Variants in TLK1 observed in about 807,000 individuals in gnomAD.
TLK1 encodes serine/threonine-protein kinase tousled-like 1.
In TLK1, 24 loss-of-function variants were observed where a neutral mutation model predicts 105.3. The ratio of observed to expected loss-of-function variants is 0.23; its 90% CI spans 0.17 to 0.32. The LOEUF is 0.32. Among genes scored for constraint, TLK1 ranks in the 10% least tolerant of loss-of-function variants. The probability of loss-of-function intolerance (pLI) is 1.00; values close to 1 mark genes in which losing one functional copy is unlikely to be tolerated. For missense variants in TLK1, 558 were observed against 910.5 expected (o/e 0.61, Z 4.98); for synonymous variants, 321 against 310.4 (o/e 1.03, Z -0.36).
intron 1 of TLK1, among the ~76,000 whole-genome samples, chr2:171,204,401 A>C (rs756527804): frequency 6.6e-6 from 1 of 152,180 alleles, no homozygotes; most frequent in Non-Finnish European, 1.5e-5. Flanking sequence ...GCCATGTCCT[A>C]TGATAGGGAG....
At chr2:171,054,516 G>A (rs1033780086) in intron 7 of TLK1, 1 of 152,260 alleles carries the variant, frequency 6.6e-6, no homozygotes, top group Non-Finnish European at 1.5e-5. Context: ...ATGCACAACA[G>A]TTTGGATATG....
chr2:171,060,542 A>C (rs936127659), intron 4 of TLK1, among the ~76,000 whole-genome samples: 11 of 152,332 alleles, frequency 7.2e-5, no homozygotes, highest in African/African-American at 2.6e-4. Context: ...TTAAGAGCCC[A>C]ATTTATTATA....
intron 18 of TLK1, among the ~76,000 whole-genome samples, chr2:171,003,070 C>T (rs1045131729): frequency 1.5e-4 from 23 of 151,774 alleles, no homozygotes; most frequent in Middle Eastern, 3.4e-3. Flanking sequence ...GTCAGGAGAT[C>T]AAGACCATCC....
At position 170,996,771 on chromosome 2, in the gene TLK1, A is replaced by C. The variant is rs1239105840; in HGVS notation, c.2017-11T>G. 1 of 1,585,358 alleles carries C rather than the reference A, an allele frequency of 6.3e-7. No individual in the cohort carries two copies. Among genetic ancestry groups the C allele is most frequent in the Non-Finnish European group, 8.6e-7 (1 of 1,166,382 alleles). ...ATTGTGACCAAATGGCTTAAAAAAA[A>C]AATTAAATGTTGAGATACTTTTCTC... On this transcript the variant is annotated splice_polypyrimidine_tract_variant and intron_variant, in intron 19 of 20. Coordinates refer to ENST00000431350, the MANE Select transcript of TLK1 (RefSeq NM_012290.5).
intron 2 of TLK1, among the ~76,000 whole-genome samples, chr2:171,086,476 A>G (rs759780473): frequency 6.6e-6 from 1 of 152,126 alleles, no homozygotes; most frequent in Non-Finnish European, 1.5e-5. Flanking sequence ...AAATACAAAA[A>G]ACAGCCAGGC....
intron 3 of TLK1, chr2:171,081,496 T>C (rs762604453): frequency 8.1e-6 from 3 of 370,994 alleles, no homozygotes; most frequent in Admixed American, 4.7e-5. Flanking sequence ...GTCCAGGAAA[T>C]ATAAAGTGAG....
At chr2:171,164,299 T>A (rs562158720), upstream of TLK1, among the ~76,000 whole-genome samples, 2 of 152,206 alleles carry the variant, frequency 1.3e-5, no homozygotes, top group Non-Finnish European at 2.9e-5. Flanking sequence ...TTATTTAAAA[T>A]CATGTCTTCA....
intron 12 of TLK1, among the ~76,000 whole-genome samples, chr2:171,016,754 T>C (rs980371963): frequency 6.6e-6 from 1 of 152,192 alleles, no homozygotes; most frequent in African/African-American, 2.4e-5. Flanking sequence ...TTAAGCATTA[T>C]GAGAAAAAAC....
At chr2:171,212,753 G>A (rs1040288368) in intron 1 of TLK1, among the ~76,000 whole-genome samples, 4 of 152,136 alleles carry the variant, frequency 2.6e-5, no homozygotes, top group Non-Finnish European at 4.4e-5. Context: ...TTGCATTTGG[G>A]GTAAGGCAGG....
chr2:171,044,866 A>T (rs1452182569), intron 11 of TLK1, among the ~76,000 whole-genome samples: 1 of 152,192 alleles, frequency 6.6e-6, no homozygotes, highest in Non-Finnish European at 1.5e-5. Flanking sequence ...TAAAGACCCA[A>T]ATGTTACAGC....
chr2:171,117,670 C>T, intron 2 of TLK1, 69 bp downstream of exon 2: 1 of 1,238,386 alleles, frequency 8.1e-7, no homozygotes, highest in South Asian at 1.3e-5. Flanking sequence ...TGTAGGAATC[C>T]TTTACATACT....
At chr2:171,225,998 A>G (rs1053887770) in intron 1 of TLK1, among the ~76,000 whole-genome samples, 6 of 152,110 alleles carry the variant, frequency 3.9e-5, no homozygotes, top group Non-Finnish European at 8.8e-5. Context: ...TAAGCATCCT[A>G]AATTATAAAT....
At chr2:171,171,559 G>A (rs997991530) in intron 1 of TLK1, among the ~76,000 whole-genome samples, 31 of 149,896 alleles carry the variant, frequency 2.1e-4, no homozygotes, top group Middle Eastern at 3.5e-3. Context: ...AAAGATAGTT[G>A]CAATACATAT....
chr2:171,110,883 A>G (rs536482115), intron 2 of TLK1, among the ~76,000 whole-genome samples: 12 of 152,346 alleles, frequency 7.9e-5, no homozygotes, highest in African/African-American at 2.9e-4. Flanking sequence ...CCTTAATAAA[A>G]ACCATGGGGA....
At chr2:171,162,409 G>A (rs1315046527), upstream of TLK1, among the ~76,000 whole-genome samples, 3 of 152,268 alleles carry the variant, frequency 2.0e-5, no homozygotes, top group African/African-American at 4.8e-5. Context: ...GTAGCGGCAC[G>A]CGCCTGAAGT....
exon 1 of TLK1, chr2:171,231,205 C>T (rs1693989281): frequency 6.6e-6 from 1 of 152,160 alleles, no homozygotes; most frequent in Non-Finnish European, 1.5e-5. Flanking sequence ...CCTGGAGGCT[C>T]AGAGGGAGCC....
intron 1 of TLK1, among the ~76,000 whole-genome samples, chr2:171,195,359 C>T (rs990846948): frequency 9.2e-5 from 14 of 152,046 alleles, no homozygotes; most frequent in South Asian, 6.2e-4. Context: ...AAAAATTAGC[C>T]GGGCATGGTG....
chr2:171,007,075 A>G lies in TLK1; in HGVS notation c.1417-12T>C, dbSNP rs1211398547. On this transcript the variant is annotated splice_polypyrimidine_tract_variant and intron_variant, in intron 14 of 20. Coordinates refer to ENST00000431350, the MANE Select transcript of TLK1 (RefSeq NM_012290.5). ...TAAAGGTCAAAAGCCTAGGATTTCA[A>G]GTCAAAAACAATTAAGATGAAAGAC... 5.1e-6 allele frequency: 8 copies of G among 1,581,566 alleles called. No individual in the cohort carries two copies. Among genetic ancestry groups the G allele is most frequent in the Non-Finnish European group, 6.8e-6 (8 of 1,170,640 alleles).
chr2:171,109,914 G>T (rs900449322), intron 2 of TLK1, among the ~76,000 whole-genome samples: 2 of 152,266 alleles, frequency 1.3e-5, no homozygotes, highest in African/African-American at 2.4e-5. Flanking sequence ...ACTGTATATG[G>T]AATCCAAGTA....
Sources: gnomAD v4.1 joint callset for allele counts (sites outside exome capture counted in the v4.1 genomes callset) on GRCh38, gnomAD v4.1.1 for gene constraint, MANE v1.5 for transcripts, NCBI Gene and HGNC (gene_info 2026-07-23, HGNC 2026-07-21) for gene names.